The following PRELID2 variants were observed in gnomAD, a reference collection of about 807,000 sequenced individuals.
The protein encoded by PRELID2 is PRELI domain-containing protein 2.
A neutral mutation model predicts 28.4 loss-of-function variants in PRELID2; 25 were observed. That is an observed-to-expected ratio of 0.88 (90% CI 0.64 to 1.23). PRELID2 has a LOEUF of 1.23. Among genes scored for constraint, PRELID2 ranks in the 50% most tolerant of loss-of-function variants. The pLI, the probability that PRELID2 is intolerant of heterozygous loss-of-function variation, is 0.00. For synonymous variants in PRELID2, 76 were observed against 71.6 expected (o/e 1.06, Z -0.31); for missense variants, 201 against 214.4 (o/e 0.94, Z 0.39).
At chr5:145,811,896 G>A (rs910538161) in intron 4 of PRELID2, among the ~76,000 whole-genome samples, 4 of 152,116 alleles carry the variant, frequency 2.6e-5, no homozygotes, top group Non-Finnish European at 2.9e-5. Flanking sequence ...GCAACATAGT[G>A]CCAAGAAAAC....
Position 145,821,299 on chromosome 5 carries a change from CTG to C in PRELID2, c.134-1283_134-1282del, listed in dbSNP as rs543222812. On this transcript the variant is annotated intron_variant, in intron 2 of 6. Coordinates refer to ENST00000683046, the MANE Select transcript of PRELID2 (RefSeq NM_205846.3). ...CTCTTCTGTGTGTTTAAGCTCTCTT[CTG>C]TGTGTGTGTATGTGTGTAAGCCCTC... 7.0e-3 allele frequency among the ~76,000 whole-genome samples: 1,030 copies of C among 146,884 alleles called. 6 individuals are homozygous for C. Among genetic ancestry groups the C allele is most frequent in the African/African-American group, 0.024 (945 of 39,302 alleles).
At chr5:145,444,312 A>C in the PRELID2 span, among the ~76,000 whole-genome samples, 1 of 152,078 alleles carries the variant, frequency 6.6e-6, no homozygotes, top group South Asian at 2.1e-4. Flanking sequence ...CGAAAGATAG[A>C]TATTAGCATG....
intron 4 of PRELID2, among the ~76,000 whole-genome samples, chr5:145,799,268 A>AGCAAAACT (rs1752973788): frequency 6.6e-6 from 1 of 151,558 alleles, no homozygotes; most frequent in South Asian, 2.1e-4. Context: ...TACTACATCC[A>AGCAAAACT]GCAAAACTAT....
chr5:145,337,806 A>C, the PRELID2 span: 1 of 149,478 alleles, frequency 6.7e-6, no homozygotes, highest in Non-Finnish European at 1.5e-5. Flanking sequence ...GGTATCAAGC[A>C]CAGAAGTTTC....
At chr5:145,534,962 C>T (rs1300406759) in intron 1 of PRELID2, among the ~76,000 whole-genome samples, 1 of 151,880 alleles carries the variant, frequency 6.6e-6, no homozygotes, top group Non-Finnish European at 1.5e-5. Context: ...ATTTGATATT[C>T]TTCTAAGATC....
chr5:145,820,291 C>G (rs1754687882), intron 2 of PRELID2, among the ~76,000 whole-genome samples: 1 of 152,014 alleles, frequency 6.6e-6, no homozygotes, highest in Admixed American at 6.6e-5. Context: ...AAATGTTTAA[C>G]TCAAAATTCA....
chr5:145,508,441 A>G (rs1752432093), intron 1 of PRELID2, among the ~76,000 whole-genome samples: 1 of 152,180 alleles, frequency 6.6e-6, no homozygotes, highest in South Asian at 2.1e-4. Flanking sequence ...TGGAGGTAAA[A>G]AAGCCAAAGT....
At chr5:145,788,082 G>A (rs999503902) in intron 5 of PRELID2, among the ~76,000 whole-genome samples, 1 of 152,096 alleles carries the variant, frequency 6.6e-6, no homozygotes, top group Non-Finnish European at 1.5e-5. Flanking sequence ...TTGGGTCCCT[G>A]AGGTCTGAGA....
At chr5:145,392,477 AT>A in the PRELID2 span, among the ~76,000 whole-genome samples, 4 of 152,148 alleles carry the variant, frequency 2.6e-5, no homozygotes, top group African/African-American at 9.7e-5. Context: ...ACAAATCAAG[AT>A]GAGATTTGGG....
At chr5:145,452,071 A>G in the PRELID2 span, among the ~76,000 whole-genome samples, 1 of 152,140 alleles carries the variant, frequency 6.6e-6, no homozygotes, top group Non-Finnish European at 1.5e-5. Context: ...ATGCATGCAT[A>G]CTGTTGTAAC....
At chr5:145,264,450 TG>T in the PRELID2 span, among the ~76,000 whole-genome samples, 1 of 152,158 alleles carries the variant, frequency 6.6e-6, no homozygotes, top group East Asian at 1.9e-4. Context: ...CATCCCTTTA[TG>T]ACTCAAACCC....
At chr5:145,377,726 G>C in the PRELID2 span, among the ~76,000 whole-genome samples, 3 of 151,834 alleles carry the variant, frequency 2.0e-5, no homozygotes, top group Non-Finnish European at 4.4e-5. Flanking sequence ...CCTTTATTTT[G>C]AGCCCATGTG....
At chr5:145,293,885 C>T in the PRELID2 span, among the ~76,000 whole-genome samples, 1 of 152,236 alleles carries the variant, frequency 6.6e-6, no homozygotes, top group Admixed American at 6.5e-5. Flanking sequence ...CAGAAAGCTA[C>T]CTGGCCAATG....
At chr5:145,619,361 C>T (rs1753743381) in intron 1 of PRELID2, among the ~76,000 whole-genome samples, 1 of 152,230 alleles carries the variant, frequency 6.6e-6, no homozygotes, top group Non-Finnish European at 1.5e-5. Flanking sequence ...ACGCAGGAAG[C>T]TCCCAGGGCC....
chr5:145,723,879 G>T (rs1052505750), intron 1 of PRELID2, among the ~76,000 whole-genome samples: 4 of 152,086 alleles, frequency 2.6e-5, no homozygotes, highest in Non-Finnish European at 5.9e-5. Flanking sequence ...AATAAGAAAA[G>T]ACATTTGCAT....
At chr5:145,793,286 A>G (rs1484901102) in intron 5 of PRELID2, among the ~76,000 whole-genome samples, 2 of 152,174 alleles carry the variant, frequency 1.3e-5, no homozygotes, top group Non-Finnish European at 2.9e-5. Context: ...ATAAAAATAT[A>G]AAGTTTGTGA....
At chr5:145,389,510 G>T in the PRELID2 span, among the ~76,000 whole-genome samples, 1 of 152,150 alleles carries the variant, frequency 6.6e-6, no homozygotes, top group South Asian at 2.1e-4. Context: ...GCATTAAAAT[G>T]TAAATTTTGC....
At chr5:145,752,489 C>T (rs534331698), downstream of PRELID2, among the ~76,000 whole-genome samples, 22 of 152,182 alleles carry the variant, frequency 1.4e-4, no homozygotes, top group Non-Finnish European at 2.9e-4. Context: ...CGTCATTAAA[C>T]TTTCTTGCCA....
At chr5:145,812,828 C>T (rs765990335) in intron 4 of PRELID2, among the ~76,000 whole-genome samples, 51 of 152,118 alleles carry the variant, frequency 3.4e-4, no homozygotes, top group African/African-American at 1.1e-3. Context: ...AATAGAAATT[C>T]CATTCCATAA....
Sources: gnomAD v4.1 joint callset for allele counts (sites outside exome capture counted in the v4.1 genomes callset) on GRCh38, gnomAD v4.1.1 for gene constraint, MANE v1.5 for transcripts, NCBI Gene and HGNC (gene_info 2026-07-23, HGNC 2026-07-21) for gene names.